ITGBL1: variants seen among roughly 807,000 people sequenced by gnomAD.
The protein encoded by ITGBL1 is integrin subunit beta like 1.
In ITGBL1, 51 loss-of-function variants were observed where a neutral mutation model predicts 68.5. The observed-to-expected ratio is 0.74, with a 90% CI of 0.59 to 0.94. The LOEUF is 0.94. Among genes scored for constraint, ITGBL1 ranks in the 40% least tolerant of loss-of-function variants. ITGBL1 has a pLI of 0.00. For missense variants in ITGBL1, 649 were observed against 647.4 expected (o/e 1.00, Z -0.03); for synonymous variants, 209 against 227.3 (o/e 0.92, Z 0.72).
intron 9 of ITGBL1, 138 bp downstream of exon 9, chr13:101,707,040 A>G (rs566768457): frequency 1.3e-6 from 1 of 796,024 alleles, no homozygotes; most frequent in African/African-American, 1.7e-5. Context: ...CCCAACTTGA[A>G]GCTTGAAGAT....
Position 101,703,331 on chromosome 13 carries a change from T to C in ITGBL1, c.1133-3425T>C, listed in dbSNP as rs778871968. On this transcript the variant is annotated intron_variant, in intron 8 of 10. Coordinates refer to ENST00000376180, the MANE Select transcript of ITGBL1 (RefSeq NM_004791.3). ...GTGTATAGTAAGGGAAAGGTACTTC[T>C]ACCTCTGCAAAAACATGAGGTCAGA... Among the ~76,000 whole-genome samples, 5 of 152,182 alleles carry C rather than the reference T, an allele frequency of 3.3e-5. No individual in the cohort carries two copies. The East Asian group carries it at 7.7e-4, about 23-fold the overall frequency.
At chr13:101,705,319 C>CAACA (rs1330895024) in intron 8 of ITGBL1, among the ~76,000 whole-genome samples, 27 of 132,758 alleles carry the variant, frequency 2.0e-4, no homozygotes, top group African/African-American at 4.2e-4. Context: ...ACAACAACAA[C>CAACA]AAAAAAAAAT....
intron 2 of ITGBL1, among the ~76,000 whole-genome samples, chr13:101,522,653 C>G (rs1177765393): frequency 6.6e-6 from 1 of 152,186 alleles, no homozygotes; most frequent in Non-Finnish European, 1.5e-5. Context: ...TTTCCTCAGT[C>G]AGTACATATT....
intron 2 of ITGBL1, among the ~76,000 whole-genome samples, chr13:101,531,727 A>ATTTG (rs2049483984): frequency 6.9e-6 from 1 of 145,746 alleles, no homozygotes; most frequent in African/African-American, 2.6e-5. Context: ...TTATTTATTT[A>ATTTG]TTTATTTATT....
intron 2 of ITGBL1, among the ~76,000 whole-genome samples, chr13:101,532,502 A>G (rs1042627467): frequency 2.0e-5 from 3 of 152,226 alleles, no homozygotes; most frequent in African/African-American, 7.2e-5. Flanking sequence ...TGTAAGTTCC[A>G]TGGATTATAA....
At chr13:101,605,792 A>ATATG (rs2030787409) in intron 7 of ITGBL1, among the ~76,000 whole-genome samples, 1 of 4,748 alleles carries the variant, frequency 2.1e-4, no homozygotes, top group African/African-American at 2.4e-4. Context: ...GTATGTGCGT[A>ATATG]TATGTACTCG....
At chr13:101,693,624 GTCTATCTA>G (rs71125018) in intron 8 of ITGBL1, among the ~76,000 whole-genome samples, 7,045 of 146,124 alleles carry the variant, frequency 0.048, 223 homozygotes, top group South Asian at 0.11. Context: ...CTGTCTGTCT[GTCTATCTA>G]TCTATCTATC....
At chr13:101,480,239 C>G (rs2048598708) in intron 2 of ITGBL1, among the ~76,000 whole-genome samples, 1 of 151,902 alleles carries the variant, frequency 6.6e-6, no homozygotes, top group South Asian at 2.1e-4. Flanking sequence ...CTCTGCATGT[C>G]CTCACTAAGT....
intron 9 of ITGBL1, among the ~76,000 whole-genome samples, chr13:101,707,936 T>C (rs1390940947): frequency 3.3e-5 from 5 of 149,940 alleles, no homozygotes; most frequent in Non-Finnish European, 7.4e-5. Flanking sequence ...GTTGGTTGAA[T>C]AGAAGCCACC....
At chr13:101,590,530 T>A (rs1477199504) in intron 6 of ITGBL1, among the ~76,000 whole-genome samples, 1 of 152,220 alleles carries the variant, frequency 6.6e-6, no homozygotes, top group African/African-American at 2.4e-5. Context: ...TGTATTGTTC[T>A]AACCTTCACA....
At chr13:101,542,535 G>A (rs1264808787) in intron 2 of ITGBL1, among the ~76,000 whole-genome samples, 1 of 152,148 alleles carries the variant, frequency 6.6e-6, no homozygotes, top group South Asian at 2.1e-4. Flanking sequence ...ATATTCTGTT[G>A]ATTTGGGGTG....
intron 7 of ITGBL1, among the ~76,000 whole-genome samples, chr13:101,640,933 T>C (rs530895118): frequency 3.7e-4 from 56 of 152,278 alleles, no homozygotes; most frequent in Admixed American, 1.2e-3. Flanking sequence ...ATGACTAACG[T>C]TGAAGGAATG....
At chr13:101,655,750 A>T (rs567950351) in intron 7 of ITGBL1, among the ~76,000 whole-genome samples, 1 of 152,334 alleles carries the variant, frequency 6.6e-6, no homozygotes, top group African/African-American at 2.4e-5. Context: ...AGCTGATCGT[A>T]TGGAGGCAGA....
At chr13:101,504,952 A>G (rs2049003998) in intron 2 of ITGBL1, among the ~76,000 whole-genome samples, 1 of 152,206 alleles carries the variant, frequency 6.6e-6, no homozygotes, top group Non-Finnish European at 1.5e-5. Context: ...AATTCTACCT[A>G]AGTGGAAGAA....
chr13:101,704,970 G>C (rs982802730), intron 8 of ITGBL1, among the ~76,000 whole-genome samples: 1 of 152,144 alleles, frequency 6.6e-6, no homozygotes, highest in Non-Finnish European at 1.5e-5. Flanking sequence ...GACAAGAACA[G>C]TCATTAGCCT....
intron 2 of ITGBL1, among the ~76,000 whole-genome samples, chr13:101,507,551 C>T (rs1370484161): frequency 6.6e-6 from 1 of 152,058 alleles, no homozygotes; most frequent in Non-Finnish European, 1.5e-5. Context: ...CAAGAAAGCA[C>T]CCACAATATC....
At chr13:101,604,484 A>G (rs1376938874) in intron 7 of ITGBL1, among the ~76,000 whole-genome samples, 1 of 151,772 alleles carries the variant, frequency 6.6e-6, no homozygotes, top group Non-Finnish European at 1.5e-5. Context: ...GTTTCCTTAC[A>G]TGAGCAAAGT....
intron 7 of ITGBL1, among the ~76,000 whole-genome samples, chr13:101,621,803 A>G (rs2031595622): frequency 6.6e-6 from 1 of 152,148 alleles, no homozygotes; most frequent in Non-Finnish European, 1.5e-5. Flanking sequence ...GTTGGCAATG[A>G]CAAATTAAAG....
chr13:101,695,293 G>T (rs1369213254), intron 8 of ITGBL1, among the ~76,000 whole-genome samples: 2 of 152,140 alleles, frequency 1.3e-5, no homozygotes, highest in Non-Finnish European at 2.9e-5. Context: ...TACAGTCAGA[G>T]AGCAGCTTGT....
Sources: gnomAD v4.1 joint callset for allele counts (sites outside exome capture counted in the v4.1 genomes callset) on GRCh38, gnomAD v4.1.1 for gene constraint, MANE v1.5 for transcripts, NCBI Gene and HGNC (gene_info 2026-07-23, HGNC 2026-07-21) for gene names.